Variants in SPOCK1 observed in about 807,000 individuals in gnomAD.
SPOCK1 encodes the protein testican-1.
In SPOCK1, 23 loss-of-function variants were observed where a neutral mutation model predicts 55.3. The ratio of observed to expected loss-of-function variants is 0.42; its 90% CI spans 0.30 to 0.59. SPOCK1 has a LOEUF of 0.59. SPOCK1 is among the 20% of genes least tolerant of loss of function. The pLI, the probability that SPOCK1 is intolerant of heterozygous loss-of-function variation, is 0.22. For missense variants in SPOCK1, 499 were observed against 552.5 expected, an observed-to-expected ratio of 0.90 and a Z score of 0.97; for synonymous variants, 226 against 221.0, an observed-to-expected ratio of 1.02 and a Z score of -0.20.
intron 6 of SPOCK1, among the ~76,000 whole-genome samples, chr5:136,996,606 G>A (rs1340371558): frequency 1.3e-5 from 2 of 152,138 alleles, no homozygotes; most frequent in African/African-American, 4.8e-5. Context: ...GGTGAAGCCA[G>A]CTAGACTTCC....
At chr5:136,982,289 T>C (rs1180546485) in intron 9 of SPOCK1, among the ~76,000 whole-genome samples, 3 of 152,220 alleles carry the variant, frequency 2.0e-5, no homozygotes, top group East Asian at 1.9e-4. Flanking sequence ...ATTAATGTTG[T>C]TTAAAAAAGA....
chr5:137,356,812 T>G (rs1409607262), intron 2 of SPOCK1, among the ~76,000 whole-genome samples: 1 of 12,900 alleles, frequency 7.8e-5, no homozygotes, highest in Non-Finnish European at 1.5e-4. Context: ...TATATATATA[T>G]ATATATATAT....
chr5:136,993,898 G>A (rs1041120065), intron 6 of SPOCK1, among the ~76,000 whole-genome samples: 3 of 152,196 alleles, frequency 2.0e-5, no homozygotes, highest in African/African-American at 7.2e-5. Flanking sequence ...CCATCGGCCT[G>A]CCTTGCAAAA....
chr5:137,464,964 A>G (rs922729032), intron 2 of SPOCK1, among the ~76,000 whole-genome samples: 20 of 152,308 alleles, frequency 1.3e-4, no homozygotes, highest in African/African-American at 4.1e-4. Flanking sequence ...GTTGAGAGAA[A>G]GAATATGACT....
At chr5:137,223,307 T>C (rs1407420207) in intron 3 of SPOCK1, among the ~76,000 whole-genome samples, 1 of 123,548 alleles carries the variant, frequency 8.1e-6, no homozygotes, top group African/African-American at 2.8e-5. Context: ...TGCTATAACA[T>C]GAAAAAAAAA....
intron 3 of SPOCK1, among the ~76,000 whole-genome samples, chr5:137,236,746 C>T (rs549330344): frequency 6.6e-6 from 1 of 152,304 alleles, no homozygotes; most frequent in Admixed American, 6.5e-5. Flanking sequence ...TGGTTCCTTT[C>T]CCTTATCAAT....
At chr5:137,492,444 C>T (rs1244338517) in intron 2 of SPOCK1, among the ~76,000 whole-genome samples, 1 of 152,180 alleles carries the variant, frequency 6.6e-6, no homozygotes, top group Non-Finnish European at 1.5e-5. Flanking sequence ...ACACAAACCC[C>T]TAGTCCTATG....
At chr5:137,062,986 G>A (rs1170378395) in intron 6 of SPOCK1, among the ~76,000 whole-genome samples, 2 of 151,744 alleles carry the variant, frequency 1.3e-5, no homozygotes, top group Non-Finnish European at 2.9e-5. Flanking sequence ...TGTAATCCCA[G>A]CACTTTGGGA....
At chr5:137,008,323 CACACACAA>C (rs1200839243) in intron 6 of SPOCK1, among the ~76,000 whole-genome samples, 1 of 151,454 alleles carries the variant, frequency 6.6e-6, no homozygotes, top group Non-Finnish European at 1.5e-5. Flanking sequence ...CACACACACA[CACACACAA>C]TCAACACAGT....
chr5:137,459,641 T>C (rs1753439652), intron 2 of SPOCK1, among the ~76,000 whole-genome samples: 1 of 152,054 alleles, frequency 6.6e-6, no homozygotes, highest in East Asian at 1.9e-4. Flanking sequence ...GCATGTGGTT[T>C]CCAGCTTGTT....
intron 2 of SPOCK1, among the ~76,000 whole-genome samples, chr5:137,376,543 GA>G (rs1751322685): frequency 6.6e-6 from 1 of 152,248 alleles, no homozygotes; most frequent in Non-Finnish European, 1.5e-5. Context: ...GATGGGGGCA[GA>G]GGGGGGCCTT....
At chr5:137,486,473 G>C (rs1754057771) in intron 2 of SPOCK1, among the ~76,000 whole-genome samples, 1 of 152,198 alleles carries the variant, frequency 6.6e-6, no homozygotes, top group Non-Finnish European at 1.5e-5. Context: ...CAAATAGAAA[G>C]CCTGCAGCCT....
chr5:137,114,347 G>C (rs1753538047), intron 4 of SPOCK1, among the ~76,000 whole-genome samples: 2 of 152,148 alleles, frequency 1.3e-5, no homozygotes, highest in South Asian at 4.1e-4. Flanking sequence ...GCTGTAGAGA[G>C]TGTCCAGGGA....
chr5:137,407,943 C>T (rs1752133983), intron 2 of SPOCK1, among the ~76,000 whole-genome samples: 1 of 151,978 alleles, frequency 6.6e-6, no homozygotes, highest in South Asian at 2.1e-4. Context: ...GCTGCCTCTC[C>T]CGCCCCCACC....
intron 6 of SPOCK1, among the ~76,000 whole-genome samples, chr5:137,008,449 A>G (rs1751293232): frequency 6.6e-6 from 1 of 152,158 alleles, no homozygotes; most frequent in Admixed American, 6.6e-5. Context: ...CAATATCCTT[A>G]AAACAGCCAA....
intron 5 of SPOCK1, among the ~76,000 whole-genome samples, chr5:137,078,555 G>A (rs1228812461): frequency 1.3e-5 from 2 of 152,114 alleles, no homozygotes; most frequent in Non-Finnish European, 2.9e-5. Context: ...ACCTAGTAGG[G>A]AATCTGACAC....
At chr5:137,429,469 C>T (rs1179104147) in intron 2 of SPOCK1, among the ~76,000 whole-genome samples, 1 of 152,148 alleles carries the variant, frequency 6.6e-6, no homozygotes, top group East Asian at 1.9e-4. Flanking sequence ...TAATGGCTGT[C>T]ACATTTGCTG....
At chr5:137,224,589 A>G (rs1755913822) in intron 3 of SPOCK1, among the ~76,000 whole-genome samples, 1 of 152,208 alleles carries the variant, frequency 6.6e-6, no homozygotes, top group Non-Finnish European at 1.5e-5. Context: ...AGCATCACCG[A>G]TCAACCTGAA....
At chr5:137,230,929 A>T (rs1285019608) in intron 3 of SPOCK1, among the ~76,000 whole-genome samples, 1 of 152,174 alleles carries the variant, frequency 6.6e-6, no homozygotes, top group East Asian at 1.9e-4. Context: ...CTATTTGTGT[A>T]TGTGTGTGTA....
Sources: allele counts gnomAD v4.1 joint callset (sites outside exome capture counted in the v4.1 genomes callset), GRCh38; gene constraint gnomAD v4.1.1; transcripts MANE v1.5; gene names NCBI Gene and HGNC (gene_info 2026-07-23, HGNC 2026-07-21).